The following OPCML variants were observed in gnomAD, a reference collection of about 807,000 sequenced individuals.
OPCML encodes opioid-binding protein/cell adhesion molecule.
OPCML carries 13 observed loss-of-function variants against 37.8 expected under a neutral mutation model. The ratio of observed to expected loss-of-function variants is 0.34; its 90% confidence interval spans 0.22 to 0.55. The LOEUF (loss-of-function observed/expected upper bound fraction) is 0.55. Ranked by LOEUF, OPCML falls within the 20% of genes least tolerant of loss-of-function variation. OPCML has a pLI of 0.91. For synonymous variants in OPCML, 176 were observed against 168.8 expected (o/e 1.04, Z -0.33); for missense variants, 341 against 435.6 (o/e 0.78, Z 1.93).
chr11:133,261,463 G>C (rs971142653), intron 1 of OPCML, among the ~76,000 whole-genome samples: 3 of 152,080 alleles, frequency 2.0e-5, no homozygotes, highest in Non-Finnish European at 4.4e-5. Flanking sequence ...ACGAAAGAGT[G>C]GTGAGGCTGG....
chr11:133,024,697 G>A (rs1363168852), intron 1 of OPCML: 1 of 831,922 alleles, frequency 1.2e-6, no homozygotes, highest in Non-Finnish European at 1.4e-6. Flanking sequence ...GGTGGGGGAT[G>A]GGGAGGTTCT....
chr11:132,805,585 G>A (rs1398681252), intron 2 of OPCML, among the ~76,000 whole-genome samples: 1 of 152,186 alleles, frequency 6.6e-6, no homozygotes, highest in Non-Finnish European at 1.5e-5. Flanking sequence ...CTTCTCATCA[G>A]AGCAATAGAG....
chr11:132,706,621 T>C (rs997249064), intron 2 of OPCML, among the ~76,000 whole-genome samples: 2 of 152,072 alleles, frequency 1.3e-5, no homozygotes, highest in Non-Finnish European at 2.9e-5. Context: ...TGTAGTAAAA[T>C]TCCATTATGC....
At chr11:133,068,283 G>T (rs1347258779) in intron 1 of OPCML, among the ~76,000 whole-genome samples, 1 of 152,164 alleles carries the variant, frequency 6.6e-6, no homozygotes, top group Non-Finnish European at 1.5e-5. Context: ...GTGTGGCCAT[G>T]GGGAGATGAA....
chr11:132,525,865 C>T (rs1039973545), intron 4 of OPCML: 6 of 152,052 alleles, frequency 3.9e-5, no homozygotes, highest in African/African-American at 1.5e-4. Flanking sequence ...GGCCCGTGCG[C>T]TTTTCAAAGG....
At chr11:132,648,164 G>A (rs1230223007) in intron 3 of OPCML, among the ~76,000 whole-genome samples, 2 of 152,178 alleles carry the variant, frequency 1.3e-5, no homozygotes, top group African/African-American at 4.8e-5. Flanking sequence ...GGGTGGTGAG[G>A]CTTGAAACCT....
chr11:132,980,119 G>T (rs1946551104), intron 1 of OPCML, among the ~76,000 whole-genome samples: 1 of 152,194 alleles, frequency 6.6e-6, no homozygotes, highest in Non-Finnish European at 1.5e-5. Context: ...GATGGCAAAT[G>T]TATATTCACC....
At chr11:133,300,512 T>G (rs964409998) in intron 1 of OPCML, 4 of 152,344 alleles carry the variant, frequency 2.6e-5, no homozygotes, top group Admixed American at 2.6e-4. Context: ...TTGTTTCTTC[T>G]ACAGCACAGT....
intron 1 of OPCML, among the ~76,000 whole-genome samples, chr11:133,476,602 G>C (rs1207772691): frequency 1.3e-5 from 2 of 152,056 alleles, no homozygotes; most frequent in South Asian, 2.1e-4. Flanking sequence ...GTGATGTGTT[G>C]GACCCTATGG....
At chr11:133,039,129 T>C (rs1947837651) in intron 1 of OPCML, among the ~76,000 whole-genome samples, 1 of 152,224 alleles carries the variant, frequency 6.6e-6, no homozygotes, top group African/African-American at 2.4e-5. Context: ...CAGAGTGCAT[T>C]CCACAGGCGG....
chr11:133,354,304 A>ATGATG (rs1944226397), intron 1 of OPCML, among the ~76,000 whole-genome samples: 1 of 9,894 alleles, frequency 1.0e-4, no homozygotes, highest in African/African-American at 3.2e-4. Context: ...GGTGGTGGTG[A>ATGATG]CGTGTTGGTA....
rs1222646040 is a variant in OPCML at position 133,349,109 on chromosome 11, T to C, written c.61+183155A>G. On this transcript the variant is annotated intron_variant, in intron 1 of 7. Transcript: ENST00000524381. ...ATGTGGAGCCTTTAAGCAGTGCATG[T>C]GCATGGTAACCACTCAGTAACTCTG... Among the ~76,000 whole-genome samples, 5 of 152,172 alleles carry C rather than the reference T, an allele frequency of 3.3e-5. No homozygotes were observed. The South Asian group carries it at 1.0e-3, about 32-fold the overall frequency.
intron 1 of OPCML, among the ~76,000 whole-genome samples, chr11:133,369,795 G>C (rs1490990075): frequency 6.6e-6 from 1 of 152,050 alleles, no homozygotes; most frequent in Non-Finnish European, 1.5e-5. Flanking sequence ...AACAATACAA[G>C]GTAAAGAATG....
chr11:132,491,762 C>A (rs151189809), intron 4 of OPCML, among the ~76,000 whole-genome samples: 79 of 152,304 alleles, frequency 5.2e-4, no homozygotes, highest in Non-Finnish European at 8.1e-4. Flanking sequence ...TCACAAAGAG[C>A]TTACATCCTG....
rs561937932 is a variant in OPCML, at chr11:133,334,813, G to T, written c.61+197451C>A. 3.3e-5 allele frequency among the ~76,000 whole-genome samples: 5 copies of T among 152,114 alleles called. No homozygotes were observed. In the South Asian group the frequency reaches 8.3e-4, roughly 25 times the overall value. ...GTGAGGATTAACTTGCAATCTTCTG[G>T]ATCTCCATGGGAGAGGGTTTGTAGA... On this transcript the variant is annotated intron_variant, in intron 1 of 7. Coordinates refer to ENST00000524381, the MANE Select transcript of OPCML (RefSeq NM_001012393.5).
chr11:133,443,949 C>CA (rs952466828), intron 1 of OPCML, among the ~76,000 whole-genome samples: 6 of 151,926 alleles, frequency 3.9e-5, no homozygotes, highest in South Asian at 2.1e-4. Flanking sequence ...TCCAAACACA[C>CA]AAAAAAACTA....
intron 2 of OPCML, among the ~76,000 whole-genome samples, chr11:132,898,401 A>G: frequency 6.6e-6 from 1 of 152,114 alleles, no homozygotes; most frequent in East Asian, 1.9e-4. Flanking sequence ...CACACAGTGT[A>G]TCTACTAAGG....
intron 2 of OPCML, among the ~76,000 whole-genome samples, chr11:132,759,760 A>T (rs1167325535): frequency 6.6e-6 from 1 of 151,968 alleles, no homozygotes; most frequent in African/African-American, 2.4e-5. Context: ...TCCTGGATTC[A>T]TTGATTTTTT....
chr11:133,288,715 TTTTG>T (rs746324020), intron 1 of OPCML, among the ~76,000 whole-genome samples: 17 of 152,030 alleles, frequency 1.1e-4, no homozygotes, highest in Non-Finnish European at 1.6e-4. Context: ...ACACCACTGG[TTTTG>T]TTTGTTTGTT....
Sources: gnomAD v4.1 joint callset for allele counts (sites outside exome capture counted in the v4.1 genomes callset) on GRCh38, gnomAD v4.1.1 for gene constraint, MANE v1.5 for transcripts, NCBI Gene and HGNC (gene_info 2026-07-23, HGNC 2026-07-21) for gene names.